The following INSL6 variants were observed in gnomAD, a reference collection of about 807,000 sequenced individuals.
INSL6 encodes insulin-like peptide INSL6.
INSL6 carries 16 observed loss-of-function variants against 9.4 expected under a neutral mutation model. The ratio of observed to expected loss-of-function variants is 1.70; its 90% CI spans 1.15 to 2.59. The LOEUF (loss-of-function observed/expected upper bound fraction) is 2.59, where lower values mean the gene tolerates loss of function less well. Among genes scored for constraint, INSL6 ranks in the 30% most tolerant of loss-of-function variants. The pLI is 0.00. For missense variants in INSL6, 391 were observed against 257.3 expected (o/e 1.52, Z -3.56); for synonymous variants, 154 against 96.9 (o/e 1.59, Z -3.46).
At chr9:5,163,823 A>G (rs925840399), downstream of INSL6, 3 of 824,190 alleles carry the variant, frequency 3.6e-6, 1 homozygote, top group South Asian at 3.2e-5. Flanking sequence ...CATTTTTCAC[A>G]TCATATCACT....
chr9:5,113,047 G>C, the INSL6 span, among the ~76,000 whole-genome samples: 1 of 152,046 alleles, frequency 6.6e-6, no homozygotes, highest in African/African-American at 2.4e-5. Context: ...GGTGACGCTG[G>C]GTCCAGGAGC....
At chr9:5,041,061 G>A in the INSL6 span, 11 of 687,072 alleles carry the variant, frequency 1.6e-5, no homozygotes, top group Admixed American at 1.0e-4. Context: ...CATAGAGGGC[G>A]TCCCTCAGGT....
chr9:4,995,642 A>T, the INSL6 span, among the ~76,000 whole-genome samples: 2 of 152,162 alleles, frequency 1.3e-5, no homozygotes, highest in Non-Finnish European at 2.9e-5. Flanking sequence ...GGTAGTGAAC[A>T]TTTCTATTTA....
chr9:5,012,740 G>A, the INSL6 span, among the ~76,000 whole-genome samples: 10 of 152,294 alleles, frequency 6.6e-5, no homozygotes, highest in Admixed American at 4.6e-4. Flanking sequence ...GAATTATAAG[G>A]TATTGAAGCC....
the INSL6 span, among the ~76,000 whole-genome samples, chr9:5,051,726 G>A: frequency 3.0e-4 from 46 of 152,138 alleles, 1 homozygote; most frequent in Non-Finnish European, 5.6e-4. Context: ...TACATCATGA[G>A]TGTGGTTAAA....
At chr9:5,184,571 G>A (rs1318673259) in intron 1 of INSL6, among the ~76,000 whole-genome samples, 2 of 152,182 alleles carry the variant, frequency 1.3e-5, no homozygotes, top group African/African-American at 4.8e-5. Context: ...GCATGAAATA[G>A]TCCCTATAAT....
downstream of INSL6, among the ~76,000 whole-genome samples, chr9:5,160,553 G>T (rs897491120): frequency 6.6e-6 from 1 of 152,004 alleles, no homozygotes; most frequent in South Asian, 2.1e-4. Context: ...AGAAAAGCAA[G>T]AGCAAGCCAA....
the INSL6 span, chr9:5,078,291 G>T: frequency 2.7e-5 from 43 of 1,605,172 alleles, no homozygotes; most frequent in East Asian, 9.2e-4. Context: ...ATATATGTGC[G>T]TTTAACTCTA....
At chr9:5,043,512 G>C in the INSL6 span, among the ~76,000 whole-genome samples, 6 of 152,290 alleles carry the variant, frequency 3.9e-5, no homozygotes, top group African/African-American at 1.2e-4. Flanking sequence ...ATGTAAAGTG[G>C]TGCTGCTACT....
chr9:5,185,334 C>T lies in INSL6; in HGVS notation c.269G>A (p.Arg90Gln), dbSNP rs780707256. The change falls in exon 1 of 2, where the codon CGG (arginine) becomes CAG (glutamine). Residue 90 changes from arginine (R) to glutamine (Q), a missense_variant. Physicochemically the swap from Arg to Gln is conservative, Grantham distance 43. Coordinates refer to ENST00000381641, the MANE Select transcript of INSL6 (RefSeq NM_007179.3). ...FESPQTASPA[R>Q]GRGTNPVSTS... ...TTTACCTGGGTTTGTGCCTCTTCCC[C>T]GGGCCGGGGAAGCGGTTTGCGGGCT... 102 of 1,613,986 alleles carry T rather than the reference C, an allele frequency of 6.3e-5. No individual in the cohort carries two copies. Among genetic ancestry groups the T allele is most frequent in the Non-Finnish European group, 7.1e-5 (84 of 1,180,018 alleles).
intron 2 of INSL6, among the ~76,000 whole-genome samples, chr9:5,150,132 A>T (rs765963359): frequency 1.3e-5 from 2 of 152,244 alleles, no homozygotes; most frequent in Non-Finnish European, 2.9e-5. Context: ...CAGAACTGAA[A>T]CTATAAACAT....
intron 1 of INSL6, among the ~76,000 whole-genome samples, chr9:5,174,045 C>T (rs2130914674): frequency 6.6e-6 from 1 of 152,312 alleles, no homozygotes; most frequent in Admixed American, 6.5e-5. Flanking sequence ...CACTCTAAAG[C>T]CAATTTCTGC....
At chr9:5,163,848 C>T, downstream of INSL6, 1 of 1,052,794 alleles carries the variant, frequency 9.5e-7, no homozygotes, top group South Asian at 1.4e-5. Context: ...TGCACAATTA[C>T]AAAAAAAAAT....
the INSL6 span, chr9:5,072,717 C>CA: frequency 6.1e-6 from 6 of 976,344 alleles, no homozygotes; most frequent in Non-Finnish European, 8.4e-6. Flanking sequence ...TGCAGCTTTT[C>CA]AAAATTGTAA....
chr9:4,992,327 T>C, the INSL6 span, among the ~76,000 whole-genome samples: 2 of 152,194 alleles, frequency 1.3e-5, no homozygotes, highest in African/African-American at 4.8e-5. Context: ...AGCATAAATC[T>C]TTTATGATTT....
chr9:5,182,091 T>C (rs889810290), intron 1 of INSL6, among the ~76,000 whole-genome samples: 8 of 152,060 alleles, frequency 5.3e-5, no homozygotes, highest in Non-Finnish European at 8.8e-5. Context: ...CACTTCTAGG[T>C]TCATAAGGGG....
chr9:5,122,379 C>T (rs1273921912), downstream of INSL6, among the ~76,000 whole-genome samples: 2 of 152,028 alleles, frequency 1.3e-5, no homozygotes, highest in African/African-American at 2.4e-5. Flanking sequence ...TTAACAGGTT[C>T]TTTCTTTTAT....
the INSL6 span, among the ~76,000 whole-genome samples, chr9:5,076,016 C>T: frequency 6.6e-6 from 1 of 152,260 alleles, no homozygotes; most frequent in East Asian, 1.9e-4. Flanking sequence ...AAGGAAGTCA[C>T]TGCAGAGATG....
At chr9:5,002,308 T>C in the INSL6 span, among the ~76,000 whole-genome samples, 2 of 151,972 alleles carry the variant, frequency 1.3e-5, no homozygotes, top group Non-Finnish European at 2.9e-5. Flanking sequence ...ACCACTATTT[T>C]AGCTGTATTC....
Sources: allele counts gnomAD v4.1 joint callset (sites outside exome capture counted in the v4.1 genomes callset), GRCh38; gene constraint gnomAD v4.1.1; transcripts MANE v1.5; gene names NCBI Gene and HGNC (gene_info 2026-07-23, HGNC 2026-07-21).